The following PLCB4 variants were observed in gnomAD, a reference collection of about 807,000 sequenced individuals.
The protein encoded by PLCB4 is 1-phosphatidylinositol 4,5-bisphosphate phosphodiesterase beta-4.
A neutral mutation model predicts 178.8 loss-of-function variants in PLCB4; 77 were observed. The ratio of observed to expected loss-of-function variants is 0.43; its 90% confidence interval spans 0.36 to 0.52. The LOEUF is 0.52. Among genes scored for constraint, PLCB4 ranks in the 20% least tolerant of loss-of-function variants. The probability of loss-of-function intolerance (pLI) is 0.00; values close to 1 mark genes in which losing one functional copy is unlikely to be tolerated. For missense variants in PLCB4, 1,024 were observed against 1,453.4 expected, an observed-to-expected ratio of 0.70 and a Z score of 4.80; for synonymous variants, 496 against 490.8, an observed-to-expected ratio of 1.01 and a Z score of -0.14.
At chr20:9,149,471 C>T (rs983773006) in intron 2 of PLCB4, among the ~76,000 whole-genome samples, 2 of 152,112 alleles carry the variant, frequency 1.3e-5, no homozygotes, top group East Asian at 1.9e-4. Flanking sequence ...TGACTAATAA[C>T]GATTTATTGA....
At chr20:9,108,368 G>C (rs2091445130) in intron 2 of PLCB4, among the ~76,000 whole-genome samples, 1 of 152,064 alleles carries the variant, frequency 6.6e-6, no homozygotes, top group Non-Finnish European at 1.5e-5. Context: ...AGAGATCAGG[G>C]ATAAAGTGAG....
intron 39 of PLCB4, 139 bp downstream of exon 39, chr20:9,476,892 C>A: frequency 1.6e-6 from 1 of 609,072 alleles, no homozygotes; most frequent in Non-Finnish European, 2.9e-6. Flanking sequence ...TTGACTATTC[C>A]ATGCTTGGAT....
Position 9,401,695 on chromosome 20 carries a change from C to G in PLCB4, c.1611+105C>G, listed in dbSNP as rs2039041086. 20 of 728,688 alleles carry G rather than the reference C, an allele frequency of 2.7e-5. No individual in the cohort carries two copies. In the South Asian group the frequency reaches 3.2e-4, roughly 12 times the overall value. The allele number at this position is 728,688 out of a possible 1,614,324, so 45.1% of individuals were successfully genotyped here. A position where few individuals can be genotyped will look rare whatever the true frequency, so the allele number is the denominator to read the frequency against. On this transcript the variant is annotated intron_variant, in intron 20 of 39. Transcript: ENST00000378473. Reference sequence around the variant, plus strand: ...GAGAATAAAGTAACCTATAATTCCCCTTCTAAATTGCTTAGGATACGAGTC... The same window carrying G: ...GAGAATAAAGTAACCTATAATTCCCGTTCTAAATTGCTTAGGATACGAGTC...
At chr20:9,193,078 C>T (rs938490827) in intron 2 of PLCB4, among the ~76,000 whole-genome samples, 2 of 152,216 alleles carry the variant, frequency 1.3e-5, no homozygotes, top group African/African-American at 4.8e-5. Context: ...CATGTTCACT[C>T]ATCATTCAAC....
intron 30 of PLCB4, among the ~76,000 whole-genome samples, chr20:9,438,506 TAGG>T (rs762797972): frequency 2.6e-5 from 4 of 151,966 alleles, no homozygotes; most frequent in Non-Finnish European, 5.9e-5. Context: ...GTAGAGGAGT[TAGG>T]AGGAGGAGCT....
chr20:9,391,380 C>T (rs1351604020), intron 17 of PLCB4, among the ~76,000 whole-genome samples: 1 of 152,082 alleles, frequency 6.6e-6, no homozygotes. Context: ...AGCTCCAAGG[C>T]AGCTAATGAA....
chr20:9,378,754 T>C (rs2036892608), intron 12 of PLCB4, among the ~76,000 whole-genome samples: 1 of 152,160 alleles, frequency 6.6e-6, no homozygotes, highest in Non-Finnish European at 1.5e-5. Flanking sequence ...AAATTTGATA[T>C]TGATTCCTTA....
chr20:9,092,304 G>A (rs943697439), intron 1 of PLCB4, among the ~76,000 whole-genome samples: 2 of 152,122 alleles, frequency 1.3e-5, no homozygotes, highest in Non-Finnish European at 2.9e-5. Flanking sequence ...GTTAATATCA[G>A]AATGTAATGG....
At chr20:9,414,345 C>T (rs2040091154) in intron 25 of PLCB4, among the ~76,000 whole-genome samples, 1 of 152,218 alleles carries the variant, frequency 6.6e-6, no homozygotes, top group Non-Finnish European at 1.5e-5. Context: ...ACCTGCATGC[C>T]TCTGTGTTCC....
At chr20:9,409,226 T>C (rs772922333) in intron 24 of PLCB4, 45 bp downstream of exon 24, 1 of 1,533,246 alleles carries the variant, frequency 6.5e-7, no homozygotes, top group South Asian at 1.3e-5. Context: ...GAGAACACTT[T>C]GACAGGATGG....
chr20:9,111,795 TC>T (rs1453275972), intron 2 of PLCB4, among the ~76,000 whole-genome samples: 2 of 152,220 alleles, frequency 1.3e-5, no homozygotes, highest in African/African-American at 4.8e-5. Flanking sequence ...AATGGCCTGC[TC>T]CAAGTAACTC....
chr20:9,355,016 TA>T (rs2034669286), intron 7 of PLCB4, among the ~76,000 whole-genome samples: 1 of 152,318 alleles, frequency 6.6e-6, no homozygotes, highest in South Asian at 2.1e-4. Flanking sequence ...TTCTAATTAT[TA>T]GTTAGAATCT....
chr20:9,120,050 C>T (rs144475291), intron 2 of PLCB4, among the ~76,000 whole-genome samples: 85 of 152,286 alleles, frequency 5.6e-4, no homozygotes, highest in South Asian at 1.7e-3. Context: ...GGCAGCCAGT[C>T]TGCCTCGGGC....
intron 2 of PLCB4, among the ~76,000 whole-genome samples, chr20:9,213,757 A>G (rs2093698914): frequency 6.6e-6 from 1 of 152,236 alleles, no homozygotes; most frequent in East Asian, 1.9e-4. Flanking sequence ...CCAAAGCAGC[A>G]GCATCATTTT....
chr20:9,396,928 A>G (rs1338527977), intron 19 of PLCB4, among the ~76,000 whole-genome samples: 1 of 152,186 alleles, frequency 6.6e-6, no homozygotes, highest in Non-Finnish European at 1.5e-5. Flanking sequence ...GTGATCAGGG[A>G]GGCAGTTGCC....
chr20:9,269,630 C>T, intron 3 of PLCB4, among the ~76,000 whole-genome samples: 1 of 152,122 alleles, frequency 6.6e-6, no homozygotes, highest in Non-Finnish European at 1.5e-5. Context: ...AGATCCACGA[C>T]AGGGAACATT....
chr20:9,191,345 A>ATT (rs71184136), intron 2 of PLCB4, among the ~76,000 whole-genome samples: 955 of 58,752 alleles, frequency 0.016, 64 homozygotes, highest in African/African-American at 0.066. Flanking sequence ...CTAGATAGGC[A>ATT]TTTTTTTTTT....
At chr20:9,424,027 A>G (rs2040825923) in intron 28 of PLCB4, 75 bp downstream of exon 28, 1 of 998,184 alleles carries the variant, frequency 1.0e-6, no homozygotes, top group African/African-American at 1.6e-5. Context: ...CATCTTGTCC[A>G]TGCTTTAAAA....
intron 2 of PLCB4, among the ~76,000 whole-genome samples, chr20:9,142,472 G>A (rs2092512428): frequency 6.6e-6 from 1 of 152,082 alleles, no homozygotes; most frequent in Non-Finnish European, 1.5e-5. Flanking sequence ...GCAAATGAGT[G>A]CATCATTAGA....
Sources: allele counts gnomAD v4.1 joint callset (sites outside exome capture counted in the v4.1 genomes callset), GRCh38; gene constraint gnomAD v4.1.1; transcripts MANE v1.5; gene names NCBI Gene and HGNC (gene_info 2026-07-23, HGNC 2026-07-21).